The following NDUFAF2 variants were observed in gnomAD, a reference collection of about 807,000 sequenced individuals.
The protein encoded by NDUFAF2 is NADH:ubiquinone oxidoreductase complex assembly factor 2, also known as NADH dehydrogenase [ubiquinone] 1 alpha subcomplex assembly factor 2.
In NDUFAF2, 13 loss-of-function variants were observed where a neutral mutation model predicts 22.8. The observed-to-expected ratio is 0.57, with a 90% CI of 0.37 to 0.91. The LOEUF is 0.91. Ranked by LOEUF, NDUFAF2 falls within the 40% of genes least tolerant of loss-of-function variation. The pLI is 0.01. For synonymous variants in NDUFAF2, 53 were observed against 64.2 expected (o/e 0.83, Z 0.84); for missense variants, 162 against 195.2 (o/e 0.83, Z 1.01).
chr5:60,994,210 A>C (rs1167488785), intron 1 of NDUFAF2, among the ~76,000 whole-genome samples: 1 of 152,264 alleles, frequency 6.6e-6, no homozygotes, highest in East Asian at 1.9e-4. Flanking sequence ...AGGAGCAGGC[A>C]CTAGGAGCGG....
chr5:60,978,597 C>T (rs982624333), intron 1 of NDUFAF2, among the ~76,000 whole-genome samples: 2 of 152,152 alleles, frequency 1.3e-5, no homozygotes, highest in Non-Finnish European at 2.9e-5. Context: ...AGGGGGATGG[C>T]GTTAAACCAT....
At chr5:60,978,785 T>C (rs1472332513) in intron 1 of NDUFAF2, among the ~76,000 whole-genome samples, 1 of 152,130 alleles carries the variant, frequency 6.6e-6, no homozygotes, top group Non-Finnish European at 1.5e-5. Context: ...GGCTCGGAGA[T>C]GGTGGACTTG....
At chr5:61,113,859 C>T (rs947109174) in intron 3 of NDUFAF2, among the ~76,000 whole-genome samples, 1 of 151,830 alleles carries the variant, frequency 6.6e-6, no homozygotes, top group Non-Finnish European at 1.5e-5. Flanking sequence ...TCATGCCACT[C>T]TCTCCTGGCA....
rs566135072 is a variant in NDUFAF2 at position 60,979,544 on chromosome 5, G to A, written c.127+34162G>A. ...CCAGACCATACTCCCTTCAGGGTTCGGGCAGTGGTGGCCATAGGGTGAGAC... is the reference window on the plus strand; with the variant it reads ...CCAGACCATACTCCCTTCAGGGTTCAGGCAGTGGTGGCCATAGGGTGAGAC... On this transcript the variant is annotated intron_variant, in intron 1 of 3. Coordinates refer to ENST00000296597, the MANE Select transcript of NDUFAF2 (RefSeq NM_174889.5). 5.9e-5 allele frequency among the ~76,000 whole-genome samples: 9 copies of A among 152,268 alleles called. No homozygotes were observed. In the South Asian group the frequency reaches 1.2e-3, roughly 21 times the overall value.
intron 3 of NDUFAF2, among the ~76,000 whole-genome samples, chr5:61,126,388 A>C (rs2111805831): frequency 1.3e-5 from 2 of 152,198 alleles, no homozygotes; most frequent in South Asian, 2.1e-4. Context: ...AGGATTAATA[A>C]GCATAAGTTT....
At chr5:60,958,634 T>C (rs1750648183) in intron 1 of NDUFAF2, among the ~76,000 whole-genome samples, 1 of 152,122 alleles carries the variant, frequency 6.6e-6, no homozygotes. Flanking sequence ...AAGTAGATGC[T>C]GAAAAAGCAG....
At chr5:61,080,108 C>G (rs1752424035) in intron 2 of NDUFAF2, among the ~76,000 whole-genome samples, 1 of 152,060 alleles carries the variant, frequency 6.6e-6, no homozygotes, top group African/African-American at 2.4e-5. Flanking sequence ...TGTGTACTTG[C>G]ATGAATCAGT....
chr5:61,075,109 C>A (rs980214070), intron 2 of NDUFAF2, among the ~76,000 whole-genome samples: 1 of 152,052 alleles, frequency 6.6e-6, no homozygotes, highest in Non-Finnish European at 1.5e-5. Flanking sequence ...AACCATATCA[C>A]CCATTTAATA....
chr5:61,034,845 T>A (rs1040234483), intron 1 of NDUFAF2, among the ~76,000 whole-genome samples: 23 of 152,064 alleles, frequency 1.5e-4, no homozygotes, highest in Admixed American at 1.5e-3. Context: ...ACAAAATAGC[T>A]GTCTGCTTTT....
intron 1 of NDUFAF2, among the ~76,000 whole-genome samples, chr5:61,008,386 C>T (rs1751400832): frequency 6.6e-6 from 1 of 152,072 alleles, no homozygotes; most frequent in African/African-American, 2.4e-5. Flanking sequence ...GAAAGATTAA[C>T]AAGCAAGTGT....
At chr5:61,080,497 A>G (rs1374662670) in intron 2 of NDUFAF2, among the ~76,000 whole-genome samples, 2 of 152,138 alleles carry the variant, frequency 1.3e-5, no homozygotes, top group Non-Finnish European at 1.5e-5. Flanking sequence ...CAAGTTGTTC[A>G]TCATCTTCTC....
intron 1 of NDUFAF2, among the ~76,000 whole-genome samples, chr5:61,022,698 G>T (rs1195324981): frequency 6.6e-6 from 1 of 152,218 alleles, no homozygotes; most frequent in Non-Finnish European, 1.5e-5. Context: ...AGGCTGGAGT[G>T]TAGTGGCGTG....
chr5:60,972,122 T>C (rs1468046607), intron 1 of NDUFAF2, among the ~76,000 whole-genome samples: 3 of 151,886 alleles, frequency 2.0e-5, no homozygotes, highest in Non-Finnish European at 2.9e-5. Context: ...TTTGTATTTT[T>C]AGTAGAGATG....
At chr5:61,012,124 C>T (rs971005164) in intron 1 of NDUFAF2, among the ~76,000 whole-genome samples, 5 of 152,036 alleles carry the variant, frequency 3.3e-5, no homozygotes, top group Admixed American at 2.6e-4. Context: ...TTAGGTTTCT[C>T]AAACTATTCC....
intron 1 of NDUFAF2, among the ~76,000 whole-genome samples, chr5:60,967,482 T>A (rs961788789): frequency 6.6e-6 from 1 of 152,018 alleles, no homozygotes; most frequent in Non-Finnish European, 1.5e-5. Context: ...GTTTATCATA[T>A]ATGGCCTTTA....
chr5:60,991,410 C>A (rs1561536468), intron 1 of NDUFAF2, among the ~76,000 whole-genome samples: 2 of 151,998 alleles, frequency 1.3e-5, no homozygotes, highest in South Asian at 2.1e-4. Flanking sequence ...CTTATTTATT[C>A]TTTTTAACTC....
chr5:61,048,618 C>G (rs186778927), intron 1 of NDUFAF2, among the ~76,000 whole-genome samples: 2 of 152,258 alleles, frequency 1.3e-5, no homozygotes, highest in African/African-American at 4.8e-5. Context: ...CAGCTTTCTT[C>G]AAGCCATTAC....
intron 1 of NDUFAF2, among the ~76,000 whole-genome samples, chr5:61,042,490 T>C (rs1751896624): frequency 6.6e-6 from 1 of 152,198 alleles, no homozygotes; most frequent in Admixed American, 6.5e-5. Flanking sequence ...ATTGACTTTA[T>C]ATGCATAAAA....
At chr5:61,022,680 T>C (rs1751599090) in intron 1 of NDUFAF2, among the ~76,000 whole-genome samples, 1 of 152,240 alleles carries the variant, frequency 6.6e-6, no homozygotes, top group Non-Finnish European at 1.5e-5. Flanking sequence ...AGTCTCGCTC[T>C]GTGGCCCAGG....
Sources: gnomAD v4.1 joint callset for allele counts (sites outside exome capture counted in the v4.1 genomes callset) on GRCh38, gnomAD v4.1.1 for gene constraint, MANE v1.5 for transcripts, NCBI Gene and HGNC (gene_info 2026-07-23, HGNC 2026-07-21) for gene names.